NLRP1: variants seen among roughly 807,000 people sequenced by gnomAD.
NLRP1 encodes the protein NLR family pyrin domain containing 1, also known as NACHT, LRR and PYD domains-containing protein 1.
A neutral mutation model predicts 136.7 loss-of-function variants in NLRP1; 94 were observed. That is an observed-to-expected ratio of 0.69 (90% CI 0.58 to 0.82). The LOEUF (loss-of-function observed/expected upper bound fraction) is 0.82. NLRP1 is among the 40% of genes least tolerant of loss of function. The probability of loss-of-function intolerance (pLI) is 0.00; values close to 1 mark genes in which losing one functional copy is unlikely to be tolerated. For missense variants in NLRP1, 1,575 were observed against 1,802.7 expected (o/e 0.87, Z 2.29); for synonymous variants, 690 against 725.1 (o/e 0.95, Z 0.78).
At chr17:5,561,054 T>C (rs1472123439) in intron 3 of NLRP1, among the ~76,000 whole-genome samples, 1 of 152,212 alleles carries the variant, frequency 6.6e-6, no homozygotes, top group Non-Finnish European at 1.5e-5. Flanking sequence ...TGAATTTCAT[T>C]TTATTTTATT....
chr17:5,527,187 GGAA>G (rs67577404), intron 12 of NLRP1, among the ~76,000 whole-genome samples: 8,970 of 152,284 alleles, frequency 0.059, 311 homozygotes, highest in Middle Eastern at 0.099. Flanking sequence ...GGGTCACATT[GGAA>G]GAAGAAGAAT....
Position 5,581,966 on chromosome 17 carries a change from A to C in NLRP1, c.545T>G (p.Val182Gly). Reference sequence around the variant, plus strand: ...AGGTGGGGATCCCCAGCTCCCCAGCACTGCTGTGGATGTGGGGGCGTTGGG... The same window carrying C: ...AGGTGGGGATCCCCAGCTCCCCAGCCCTGCTGTGGATGTGGGGGCGTTGGG... Reference protein sequence around the residue: ...ESPNAPTSTAVLGSWGSPPQP... With the variant: ...ESPNAPTSTAGLGSWGSPPQP... Residue 182 changes from valine to glycine, a missense_variant, in exon 3 of 17, where the codon GTG becomes GGG. Transcript: ENST00000572272. 6.2e-7 allele frequency: 1 copy of C among 1,613,844 alleles called. No individual in the cohort carries two copies. The highest frequency in any genetic ancestry group is 8.5e-7 in the Non-Finnish European group (1 of 1,179,880).
intron 9 of NLRP1, among the ~76,000 whole-genome samples, 169 bp from the exon 10 acceptor site, chr17:5,533,553 T>G (rs1290570085): frequency 1.5e-5 from 1 of 66,468 alleles, no homozygotes; most frequent in Non-Finnish European, 4.1e-5. Context: ...GAGACTCTGT[T>G]TTTTTTTTTT....
At chr17:5,515,356 A>C in intron 16 of NLRP1, 117 bp downstream of exon 16, 1 of 918,600 alleles carries the variant, frequency 1.1e-6, no homozygotes, top group Admixed American at 1.9e-5. Context: ...CCAGGGCCTG[A>C]CTCTTTGTGA....
chr17:5,565,734 G>C (rs1379992307), intron 3 of NLRP1, among the ~76,000 whole-genome samples: 1 of 152,122 alleles, frequency 6.6e-6, no homozygotes, highest in Non-Finnish European at 1.5e-5. Flanking sequence ...TATTTTTTCG[G>C]AGTAGTTTCA....
chr17:5,532,765 G>T, intron 11 of NLRP1, 57 bp downstream of exon 11: 1 of 1,480,804 alleles, frequency 6.8e-7, no homozygotes, highest in Non-Finnish European at 9.1e-7. Context: ...TGGGGACCCA[G>T]GATGGGCAGT....
intron 3 of NLRP1, among the ~76,000 whole-genome samples, chr17:5,577,050 A>T (rs4790269): frequency 6.6e-6 from 1 of 152,100 alleles, no homozygotes; most frequent in Non-Finnish European, 1.5e-5. Flanking sequence ...AGGCCTTTGA[A>T]AAAATTCAAC....
intron 16 of NLRP1, 22 bp downstream of exon 16, chr17:5,515,451 G>A: frequency 1.9e-6 from 3 of 1,603,240 alleles, no homozygotes; most frequent in Non-Finnish European, 1.7e-6. Flanking sequence ...GCCTCCTGTG[G>A]TCTCTGAGAG....
At chr17:5,505,115 C>T (rs1300430711) in intron 15 of NLRP1, 1 of 152,198 alleles carries the variant, frequency 6.6e-6, no homozygotes, top group Non-Finnish European at 1.5e-5. Flanking sequence ...CAGGAATCTC[C>T]CCTTTCCACA....
At chr17:5,546,768 A>G (rs1250079211) in intron 5 of NLRP1, among the ~76,000 whole-genome samples, 1 of 152,228 alleles carries the variant, frequency 6.6e-6, no homozygotes, top group East Asian at 1.9e-4. Context: ...AAATGAGGAG[A>G]TGTAGGTAAA....
At chr17:5,522,016 G>A (rs1012867219) in intron 12 of NLRP1, among the ~76,000 whole-genome samples, 2 of 152,124 alleles carry the variant, frequency 1.3e-5, no homozygotes, top group African/African-American at 2.4e-5. Context: ...GTAGAGATGG[G>A]GTTTAACTAT....
In NLRP1 at chr17:5,514,973, G is replaced by A. The variant is rs1439179736; in HGVS notation, c.4203C>T (p.Asp1401=). The A allele has an allele frequency of 1.2e-6, 2 of 1,614,044 alleles. No homozygotes were observed. The highest frequency in any genetic ancestry group is 1.3e-5 in the African/African-American group (1 of 74,924). Residue 1401 remains aspartate (D), a synonymous_variant, in exon 17 of 17, where the codon GAC becomes GAT. Transcript: ENST00000572272. ...GGCTCAGCACCTGTCCATGCAGTTT[G>A]TCCAAGACAACCTCCACCGATGTCA... ...ARVTSVEVVL[D]KLHGQVLSQE...
intron 3 of NLRP1, among the ~76,000 whole-genome samples, chr17:5,579,867 C>T (rs1284584803): frequency 1.5e-4 from 23 of 152,138 alleles, no homozygotes; most frequent in Admixed American, 1.5e-3. Context: ...ACATTGCGTA[C>T]ACATGGACAC....
rs1907230878 is a variant in NLRP1, at chr17:5,504,294, G to C, written c.4070-2422C>G. On this transcript the variant is annotated intron_variant, in intron 15 of 15. Transcript: ENST00000262467. The surrounding 1 kb of genome is among the most constrained non-coding windows in gnomAD (Gnocchi z 4.4). ...GTTCCAATGAGGAAACTGAGGCTGA[G>C]AGGTGAAGGAATCTAAAATCTGCCA... 6.6e-6 allele frequency: 1 copy of C among 152,342 alleles called. No individual in the cohort carries two copies. The highest frequency in any genetic ancestry group is 2.4e-5 in the African/African-American group (1 of 41,458). 9.4% of individuals were successfully genotyped at this position (152,342 alleles called of 1,614,324 possible). A position where few individuals can be genotyped will look rare whatever the true frequency, so the allele number is the denominator to read the frequency against.
intron 9 of NLRP1, among the ~76,000 whole-genome samples, 167 bp from the exon 10 acceptor site, chr17:5,533,551 GTTTTTTTTTTTTTT>G (rs35006823): frequency 2.2e-5 from 2 of 90,018 alleles, no homozygotes; most frequent in African/African-American, 8.8e-5. Flanking sequence ...GTGAGACTCT[GTTTTTTTTTTTTTT>G]TTTTTTTTTT....
At chr17:5,549,041 T>C (rs567825208) in intron 5 of NLRP1, among the ~76,000 whole-genome samples, 6 of 152,220 alleles carry the variant, frequency 3.9e-5, no homozygotes, top group Non-Finnish European at 4.4e-5. Flanking sequence ...TTGGGGGGTA[T>C]TGTCATTTTA....
chr17:5,515,885 C>T (rs1461380185), intron 15 of NLRP1, among the ~76,000 whole-genome samples: 1 of 151,176 alleles, frequency 6.6e-6, no homozygotes, highest in Non-Finnish European at 1.5e-5. Context: ...CTATTTAGCA[C>T]CTCCTTGTCT....
At chr17:5,557,958 C>T (rs1280242840) in intron 4 of NLRP1, among the ~76,000 whole-genome samples, 2 of 152,056 alleles carry the variant, frequency 1.3e-5, no homozygotes, top group African/African-American at 4.8e-5. Flanking sequence ...AGAATGAATG[C>T]CCAGAGAGAG....
intron 14 of NLRP1, among the ~76,000 whole-genome samples, chr17:5,519,586 ACAG>A (rs1288349128): frequency 1.3e-5 from 2 of 151,364 alleles, no homozygotes; most frequent in African/African-American, 4.9e-5. Flanking sequence ...AGCTGGCATT[ACAG>A]GTGCCTCTCA....
Sources: gnomAD v4.1 joint callset for allele counts (sites outside exome capture counted in the v4.1 genomes callset) on GRCh38, gnomAD v4.1.1 for gene constraint, Gnocchi (gnomAD v3.1) non-coding constraint, MANE v1.5 for transcripts, NCBI Gene and HGNC (gene_info 2026-07-23, HGNC 2026-07-21) for gene names.